Variants in RELN observed in about 807,000 individuals in gnomAD.
RELN encodes the protein reelin.
Under a neutral mutation model 427.6 loss-of-function variants are expected in RELN, and 108 were observed. The ratio of observed to expected loss-of-function variants is 0.25; its 90% CI spans 0.22 to 0.30. The LOEUF is 0.30. Among genes scored for constraint, RELN ranks in the 10% least tolerant of loss-of-function variants. The pLI is 1.00. For synonymous variants in RELN, 1,524 were observed against 1,513.4 expected (o/e 1.01, Z -0.16); for missense variants, 3,715 against 4,302.8 (o/e 0.86, Z 3.82).
At position 103,761,623 on chromosome 7, in the gene RELN, T is replaced by A. The variant is rs568336817; in HGVS notation, c.545-8409A>T. ...ATACAGCACCAAGACCAGTAAATTT[T>A]TTTTTGGGGGGGGGTAGAGACAAGA... is the stretch of plus-strand genomic sequence containing the variant. On this transcript the variant is annotated intron_variant, in intron 4 of 64. Transcript: ENST00000428762. Among the ~76,000 whole-genome samples, 386 of 151,800 alleles carry A rather than the reference T, an allele frequency of 2.5e-3. 2 individuals are homozygous for A. The highest frequency in any genetic ancestry group is 9.0e-3 in the African/African-American group (371 of 41,324).
chr7:103,754,289 A>C (rs1282065367), intron 4 of RELN, among the ~76,000 whole-genome samples: 1 of 152,078 alleles, frequency 6.6e-6, no homozygotes, highest in Non-Finnish European at 1.5e-5. Flanking sequence ...AATTTCATCT[A>C]TTTCTTTCCA....
chr7:103,628,989 T>C (rs1489742773), intron 20 of RELN, among the ~76,000 whole-genome samples: 1 of 152,188 alleles, frequency 6.6e-6, no homozygotes, highest in Non-Finnish European at 1.5e-5. Context: ...CTGGCCTCCT[T>C]CCTGGTCCTT....
intron 3 of RELN, among the ~76,000 whole-genome samples, chr7:103,810,938 G>A (rs746233797): frequency 1.3e-5 from 2 of 152,068 alleles, no homozygotes; most frequent in Non-Finnish European, 2.9e-5. Flanking sequence ...GCTTGGATTG[G>A]AATAACAAGA....
intron 38 of RELN, among the ~76,000 whole-genome samples, chr7:103,556,206 G>A (rs1830516588): frequency 2.6e-5 from 4 of 151,988 alleles, no homozygotes; most frequent in South Asian, 2.1e-4. Flanking sequence ...CTCTCACTTC[G>A]TCATGGCATT....
intron 2 of RELN, among the ~76,000 whole-genome samples, chr7:103,884,697 G>C (rs989465082): frequency 6.6e-6 from 1 of 152,132 alleles, no homozygotes; most frequent in Admixed American, 6.5e-5. Context: ...CTTCATCACT[G>C]GTCATTAGAG....
chr7:103,622,274 C>A (rs1357191988), intron 20 of RELN, among the ~76,000 whole-genome samples: 1 of 152,100 alleles, frequency 6.6e-6, no homozygotes, highest in Non-Finnish European at 1.5e-5. Context: ...TAGAATATGG[C>A]CATTAAATTC....
intron 3 of RELN, among the ~76,000 whole-genome samples, chr7:103,808,685 A>G (rs1052051737): frequency 1.3e-5 from 2 of 152,116 alleles, no homozygotes; most frequent in African/African-American, 4.8e-5. Context: ...TTGAAATACT[A>G]TGGCAGAACT....
At chr7:103,956,888 AAAG>A (rs1796443916) in intron 1 of RELN, among the ~76,000 whole-genome samples, 1 of 152,156 alleles carries the variant, frequency 6.6e-6, no homozygotes, top group Non-Finnish European at 1.5e-5. Flanking sequence ...GGTCCATGAA[AAAG>A]AAAAAAGCAA....
At chr7:103,713,955 C>A (rs1293761076) in intron 8 of RELN, among the ~76,000 whole-genome samples, 1 of 152,070 alleles carries the variant, frequency 6.6e-6, no homozygotes, top group Non-Finnish European at 1.5e-5. Context: ...TCTCTTGACC[C>A]ACGGCATCAA....
chr7:103,806,110 T>G (rs1459453750), intron 3 of RELN, among the ~76,000 whole-genome samples: 1 of 152,200 alleles, frequency 6.6e-6, no homozygotes, highest in South Asian at 2.1e-4. Flanking sequence ...AAAATAGTCA[T>G]GCTTAATTTT....
chr7:103,692,349 CTACTGG>C (rs1489255733), intron 10 of RELN, among the ~76,000 whole-genome samples: 1 of 152,094 alleles, frequency 6.6e-6, no homozygotes, highest in East Asian at 1.9e-4. Flanking sequence ...TCCAGAGAAT[CTACTGG>C]TAGATTCCAC....
intron 2 of RELN, among the ~76,000 whole-genome samples, chr7:103,836,374 C>T (rs1320060384): frequency 6.6e-6 from 1 of 152,176 alleles, no homozygotes; most frequent in Non-Finnish European, 1.5e-5. Flanking sequence ...TCTTCAATTG[C>T]ACTAGCCACA....
At chr7:103,610,600 A>T in intron 22 of RELN, 95 bp downstream of exon 22, 1 of 763,036 alleles carries the variant, frequency 1.3e-6, no homozygotes. Context: ...ACTTGCCTTC[A>T]TATTCAAGTC....
At position 103,491,761 on chromosome 7, in the gene RELN, G is replaced by A. The variant is rs56690240; in HGVS notation, c.9443+192C>T. ...GGAGAACCGCTTGAACCTGGGAGGC[G>A]GAGGTTGCGGTGAGCCGAGATCCCA... On this transcript the variant is annotated intron_variant, in intron 58 of 64. Transcript: ENST00000428762. 0.18 allele frequency among the ~76,000 whole-genome samples: 27,592 copies of A among 150,578 alleles called. 2,701 individuals carry two copies. Among genetic ancestry groups the A allele is most frequent in the African/African-American group, 0.26 (10,807 of 40,910 alleles).
chr7:103,755,063 T>C (rs550862271), intron 4 of RELN, among the ~76,000 whole-genome samples: 3 of 152,300 alleles, frequency 2.0e-5, no homozygotes, highest in East Asian at 3.9e-4. Context: ...CTGTGCAGAC[T>C]GCTCTTTCAA....
At chr7:103,489,054 C>A (rs1562845752) in intron 60 of RELN, among the ~76,000 whole-genome samples, 1 of 152,154 alleles carries the variant, frequency 6.6e-6, no homozygotes, top group African/African-American at 2.4e-5. Context: ...AACATTGGAT[C>A]AAAGGAAAGC....
intron 1 of RELN, among the ~76,000 whole-genome samples, chr7:103,971,792 G>T (rs1197241396): frequency 6.6e-6 from 1 of 152,142 alleles, no homozygotes; most frequent in Admixed American, 6.5e-5. Context: ...AAAAATCTTG[G>T]CCAGGCATGC....
At chr7:103,554,951 C>T (rs368703686) in intron 38 of RELN, among the ~76,000 whole-genome samples, 13 of 152,094 alleles carry the variant, frequency 8.5e-5, no homozygotes, top group Non-Finnish European at 1.3e-4. Context: ...TGCCCTGATA[C>T]GTAATTGCAT....
chr7:103,664,548 T>C (rs944929422), intron 11 of RELN, among the ~76,000 whole-genome samples: 2 of 152,188 alleles, frequency 1.3e-5, no homozygotes. Context: ...CTGGGCAACG[T>C]GGTACTTCAT....
Sources: allele counts gnomAD v4.1 joint callset (sites outside exome capture counted in the v4.1 genomes callset), GRCh38; gene constraint gnomAD v4.1.1; transcripts MANE v1.5; gene names NCBI Gene and HGNC (gene_info 2026-07-23, HGNC 2026-07-21).